The following MAGT1 variants were observed in gnomAD, a reference collection of about 807,000 sequenced individuals.
The protein encoded by MAGT1 is magnesium transporter 1.
A neutral mutation model predicts 28.4 loss-of-function variants in MAGT1; 4 were observed. The observed-to-expected ratio is 0.14, with a 90% CI of 0.07 to 0.32. The LOEUF is 0.32. Among genes scored for constraint, MAGT1 ranks in the 10% least tolerant of loss-of-function variants. The pLI, the probability that MAGT1 is intolerant of heterozygous loss-of-function variation, is 1.00. For missense variants in MAGT1, 193 were observed against 264.5 expected (o/e 0.73, Z 1.88); for synonymous variants, 89 against 89.7 (o/e 0.99, Z 0.04).
chrX:77,883,553 CTTTTTTT>C (rs1166624171), intron 1 of MAGT1, among the ~76,000 whole-genome samples: 20 of 61,696 alleles, frequency 3.2e-4, no homozygotes, highest in African/African-American at 7.1e-4. Flanking sequence ...AATTCATTTT[CTTTTTTT>C]TTTTTTTTTT....
chrX:77,873,623 A>C (rs1307680089), intron 2 of MAGT1, among the ~76,000 whole-genome samples: 4 of 111,924 alleles, frequency 3.6e-5, no homozygotes, highest in Non-Finnish European at 7.5e-5. Context: ...TGAAAACTTA[A>C]GCAAGATTAG....
At chrX:77,867,936 C>A (rs1033698321) in intron 3 of MAGT1, among the ~76,000 whole-genome samples, 1 of 66,761 alleles carries the variant, frequency 1.5e-5, no homozygotes, top group African/African-American at 3.5e-5. Flanking sequence ...ATGGACAGAG[C>A]GCTAAATGGA....
In MAGT1 at chrX:77,851,662, G is replaced by A. The variant is rs1416405170; in HGVS notation, c.826+2239C>T. On this transcript the variant is annotated intron_variant, in intron 7 of 9. Coordinates refer to ENST00000618282, the MANE Select transcript of MAGT1 (RefSeq NM_001367916.1). ...GTGCTGGGATTACAGGTGTGAGGCA[G>A]CACGCCTGGCCGTCTGGCTAAGTTT... Among the ~76,000 whole-genome samples, 4 of 108,988 alleles carry A rather than the reference G, an allele frequency of 3.7e-5. No individual in the cohort carries two copies. In the Admixed American group the frequency reaches 3.9e-4, roughly 11 times the overall value. The allele number at this position is 108,988 out of a possible 115,157, so 94.6% of individuals were successfully genotyped here. A position where few individuals can be genotyped will look rare whatever the true frequency, so the allele number is the denominator to read the frequency against.
intron 8 of MAGT1, among the ~76,000 whole-genome samples, chrX:77,838,114 A>G (rs1410499366): frequency 8.9e-6 from 1 of 111,896 alleles, no homozygotes; most frequent in African/African-American, 3.3e-5. Context: ...ACATTGTTAG[A>G]TTCTCTCTGC....
At chrX:77,860,371 A>G (rs2076991793) in intron 3 of MAGT1, among the ~76,000 whole-genome samples, 1 of 111,264 alleles carries the variant, frequency 9.0e-6, no homozygotes, top group Non-Finnish European at 1.9e-5. Flanking sequence ...TACAGGCGTG[A>G]GTCACCATGC....
At chrX:77,831,790 C>G (rs1218580699) in intron 8 of MAGT1, among the ~76,000 whole-genome samples, 1 of 110,123 alleles carries the variant, frequency 9.1e-6, no homozygotes, top group Non-Finnish European at 1.9e-5. Flanking sequence ...GACGGTGTCT[C>G]ACTACATTGC....
At chrX:77,861,540 A>G (rs1384437442) in intron 3 of MAGT1, among the ~76,000 whole-genome samples, 2 of 112,239 alleles carry the variant, frequency 1.8e-5, no homozygotes, top group Non-Finnish European at 3.8e-5. Flanking sequence ...TAGCAATTCT[A>G]CTTCTAAGTA....
intron 8 of MAGT1, among the ~76,000 whole-genome samples, chrX:77,834,256 ATG>A (rs1557213663): frequency 1.7e-5 from 1 of 57,855 alleles, no homozygotes; most frequent in Non-Finnish European, 4.4e-5. Context: ...ATATATATAC[ATG>A]TGTGTATATA....
intron 8 of MAGT1, among the ~76,000 whole-genome samples, chrX:77,839,787 G>A (rs1259951476): frequency 9.1e-6 from 1 of 109,502 alleles, no homozygotes; most frequent in African/African-American, 3.3e-5. Context: ...GATTACAGGC[G>A]TGAGCCACCG....
intron 1 of MAGT1, among the ~76,000 whole-genome samples, chrX:77,881,478 C>T (rs1375678904): frequency 3.0e-5 from 3 of 100,598 alleles, no homozygotes; most frequent in East Asian, 6.5e-4. Flanking sequence ...GGTGTTCTCA[C>T]TGTTCAATTC....
intron 1 of MAGT1, among the ~76,000 whole-genome samples, chrX:77,885,821 A>G (rs1188107151): frequency 3.6e-5 from 4 of 110,156 alleles, no homozygotes; most frequent in African/African-American, 1.3e-4. Flanking sequence ...CTCTACTAAC[A>G]TTACAAAAAT....
chrX:77,849,074 C>CTTTTTTTTTTTTTTTTTTTT, intron 7 of MAGT1, among the ~76,000 whole-genome samples: 1 of 97,353 alleles, frequency 1.0e-5, no homozygotes, highest in Non-Finnish European at 2.1e-5. Flanking sequence ...ATTGTGTTTT[C>CTTTTTTTTTTTTTTTTTTTT]TTTTTTTTTT....
At chrX:77,841,375 T>C in intron 7 of MAGT1, 55 bp from the exon 8 acceptor site, 2 of 821,278 alleles carry the variant, frequency 2.4e-6, no homozygotes, top group Non-Finnish European at 3.7e-6. Flanking sequence ...CATACCATTT[T>C]ACTATTTCCA....
chrX:77,837,354 T>C (rs1275502489), intron 8 of MAGT1: 1 of 112,090 alleles, frequency 8.9e-6, no homozygotes. Context: ...ATGGCCCCTG[T>C]GCAAGGATGA....
chrX:77,843,108 G>A (rs144840895), intron 7 of MAGT1, among the ~76,000 whole-genome samples: 66 of 112,450 alleles, frequency 5.9e-4, no homozygotes, highest in African/African-American at 1.3e-3. Context: ...GTATGCTACC[G>A]CATGTGGGTA....
intron 7 of MAGT1, among the ~76,000 whole-genome samples, chrX:77,846,784 T>A (rs1299916292): frequency 9.0e-6 from 1 of 111,609 alleles, no homozygotes; most frequent in Non-Finnish European, 1.9e-5. Context: ...GCCTGATTGT[T>A]CCTCTGGAAG....
chrX:77,864,696 G>A (rs868992312), intron 3 of MAGT1, among the ~76,000 whole-genome samples: 1 of 92,966 alleles, frequency 1.1e-5, no homozygotes, highest in East Asian at 3.4e-4. Context: ...CTAAATAGTA[G>A]AGAATTAAAA....
intron 2 of MAGT1, among the ~76,000 whole-genome samples, chrX:77,872,849 C>T (rs1317103965): frequency 8.9e-6 from 1 of 112,250 alleles, no homozygotes. Flanking sequence ...GGTAGGTTAT[C>T]TATTTTACAA....
In MAGT1 at chrX:77,841,851, A is replaced by ATTT. The variant is rs34014897; in HGVS notation, c.827-534_827-532dup. 2.9e-3 allele frequency among the ~76,000 whole-genome samples: 231 copies of ATTT among 80,009 alleles called. 9 individuals are homozygous for ATTT. The highest frequency in any genetic ancestry group is 5.7e-3 in the East Asian group (14 of 2,439). 69.5% of individuals were successfully genotyped at this position (80,009 alleles called of 115,157 possible). A position where few individuals can be genotyped will look rare whatever the true frequency, so the allele number is the denominator to read the frequency against. On this transcript the variant is annotated intron_variant, in intron 7 of 9. Coordinates refer to ENST00000618282, the MANE Select transcript of MAGT1 (RefSeq NM_001367916.1). ...CCACCACGCCCAGTTAAATTCTGTA[A>ATTT]TTTTTTTTTTTTTTTTTTTGTAGAG...
Sources: allele counts gnomAD v4.1 joint callset (sites outside exome capture counted in the v4.1 genomes callset), GRCh38; gene constraint gnomAD v4.1.1; transcripts MANE v1.5; gene names NCBI Gene and HGNC (gene_info 2026-07-23, HGNC 2026-07-21).